The following DSCAM variants were observed in gnomAD, a reference collection of about 807,000 sequenced individuals.
The protein encoded by DSCAM is cell adhesion molecule DSCAM.
Under a neutral mutation model 217.7 loss-of-function variants are expected in DSCAM, and 47 were observed. That is an observed-to-expected ratio of 0.22 (90% CI 0.17 to 0.28). DSCAM has a LOEUF of 0.28. DSCAM is among the 10% of genes least tolerant of loss of function. DSCAM has a pLI of 1.00. For synonymous variants in DSCAM, 1,056 were observed against 1,015.3 expected (o/e 1.04, Z -0.76); for missense variants, 2,080 against 2,618.3 (o/e 0.79, Z 4.49).
chr21:40,167,356 C>A lies in DSCAM; in HGVS notation c.2948-68G>T. Reference sequence around the variant, plus strand: ...CGGAGCAGATCGAAGCCTACACAGCCAAAGGTGGTCCCCGAGGACAACCCA... The same window carrying A: ...CGGAGCAGATCGAAGCCTACACAGCAAAAGGTGGTCCCCGAGGACAACCCA... On this transcript the variant is annotated intron_variant, in intron 15 of 32. Coordinates refer to ENST00000400454, the MANE Select transcript of DSCAM (RefSeq NM_001389.5). 1.3e-5 allele frequency: 18 copies of A among 1,417,922 alleles called. No homozygotes were observed. The South Asian group carries it at 2.0e-4, about 15-fold the overall frequency. 87.8% of individuals were successfully genotyped at this position (1,417,922 alleles called of 1,614,324 possible).
intron 22 of DSCAM, 79 bp from the exon 23 acceptor site, chr21:40,085,844 C>T (rs2146573624): frequency 3.2e-6 from 4 of 1,258,710 alleles, no homozygotes; most frequent in South Asian, 4.9e-5. Context: ...AACAGAAAGA[C>T]TCTGTGAAGC....
intron 3 of DSCAM, among the ~76,000 whole-genome samples, chr21:40,577,385 C>T (rs942442140): frequency 1.3e-5 from 2 of 148,544 alleles, no homozygotes; most frequent in African/African-American, 2.5e-5. Flanking sequence ...GGCACTGACA[C>T]GGTAGTCGAT....
intron 11 of DSCAM, among the ~76,000 whole-genome samples, chr21:40,216,290 T>TG (rs1467042506): frequency 1.3e-5 from 2 of 151,918 alleles, no homozygotes; most frequent in East Asian, 3.9e-4. Flanking sequence ...AAAATTTTTT[T>TG]TTTTTTAGAA....
intron 3 of DSCAM, among the ~76,000 whole-genome samples, chr21:40,483,791 G>A (rs2837656): frequency 6.6e-6 from 1 of 151,978 alleles, no homozygotes; most frequent in Admixed American, 6.5e-5. Flanking sequence ...CCAGACGTGC[G>A]TGGGCTCCCT....
chr21:40,438,475 AATGAAC>A (rs1295879630), intron 3 of DSCAM, among the ~76,000 whole-genome samples: 4 of 152,208 alleles, frequency 2.6e-5, no homozygotes, highest in Admixed American at 2.6e-4. Flanking sequence ...ACATAAAGCA[AATGAAC>A]ATTATACACT....
chr21:40,832,776 T>A (rs1369777761), intron 1 of DSCAM, among the ~76,000 whole-genome samples: 2 of 152,176 alleles, frequency 1.3e-5, no homozygotes, highest in African/African-American at 4.8e-5. Context: ...CTCATCAAAC[T>A]ACACAATGAG....
intron 11 of DSCAM, among the ~76,000 whole-genome samples, chr21:40,241,192 T>C (rs894278099): frequency 4.6e-5 from 7 of 151,686 alleles, no homozygotes; most frequent in Non-Finnish European, 1.0e-4. Context: ...ATCAACAGAG[T>C]AAAGAGACAA....
At chr21:40,533,807 C>T (rs559489795) in intron 3 of DSCAM, among the ~76,000 whole-genome samples, 2 of 150,916 alleles carry the variant, frequency 1.3e-5, no homozygotes, top group East Asian at 4.0e-4. Flanking sequence ...CTCTTCCTTC[C>T]TCCATCTAGG....
chr21:40,342,063 G>A (rs1289931310), intron 6 of DSCAM, among the ~76,000 whole-genome samples: 2 of 152,064 alleles, frequency 1.3e-5, no homozygotes, highest in Non-Finnish European at 2.9e-5. Context: ...CGTGTTTTAT[G>A]TGCCTATTGG....
intron 29 of DSCAM, 98 bp from the exon 30 acceptor site, chr21:40,052,205 T>C (rs569554530): frequency 3.0e-6 from 4 of 1,347,744 alleles, no homozygotes; most frequent in Admixed American, 2.2e-5. Context: ...TTATTGTTAA[T>C]GACAACCACA....
chr21:40,200,223 G>A (rs538099854), intron 11 of DSCAM, among the ~76,000 whole-genome samples: 1 of 152,216 alleles, frequency 6.6e-6, no homozygotes, highest in South Asian at 2.1e-4. Flanking sequence ...TTGCTGTACA[G>A]CCTTCACTAC....
chr21:40,132,396 C>A (rs402435), intron 19 of DSCAM, among the ~76,000 whole-genome samples: 117,467 of 152,130 alleles, frequency 0.77, 45,584 homozygotes, highest in African/African-American at 0.83. Flanking sequence ...AAAAAATTAA[C>A]TTATGGCTGC....
intron 3 of DSCAM, among the ~76,000 whole-genome samples, chr21:40,424,206 C>G (rs891495440): frequency 6.6e-6 from 1 of 152,100 alleles, no homozygotes; most frequent in African/African-American, 2.4e-5. Context: ...GGATAAATTG[C>G]GTCCCCCCAA....
chr21:40,445,916 C>G (rs1194158739), intron 3 of DSCAM, among the ~76,000 whole-genome samples: 1 of 152,152 alleles, frequency 6.6e-6, no homozygotes, highest in East Asian at 1.9e-4. Flanking sequence ...ATGCAAGGAT[C>G]TTCAATTAGT....
chr21:40,508,738 TATATATATATATATATATATATATA>T (rs2076229182), intron 3 of DSCAM, among the ~76,000 whole-genome samples: 1 of 17,286 alleles, frequency 5.8e-5, no homozygotes, highest in African/African-American at 3.4e-4. Flanking sequence ...CCGGCAAATA[TATATATATATATATATATATATATA>T]TATATATATA....
rs146926760 is a variant in DSCAM, at chr21:40,749,870, T to G, written c.44-41099A>C. ...GTATAAAGGGCGGCCTGTAACTGTC[T>G]GAAACCTTGTTATTTCTCCCACGTA... On this transcript the variant is annotated intron_variant, in intron 1 of 32. Transcript: ENST00000400454. Among the ~76,000 whole-genome samples, 13 of 152,186 alleles carry G rather than the reference T, an allele frequency of 8.5e-5. No individual in the cohort carries two copies. In the East Asian group the frequency reaches 2.5e-3, roughly 29 times the overall value.
chr21:40,553,154 T>A (rs1024079861), intron 3 of DSCAM, among the ~76,000 whole-genome samples: 1 of 152,236 alleles, frequency 6.6e-6, no homozygotes, highest in Non-Finnish European at 1.5e-5. Context: ...TTGGTGGATT[T>A]TAAAAATAAA....
At chr21:40,509,019 T>C (rs2076237449) in intron 3 of DSCAM, among the ~76,000 whole-genome samples, 1 of 151,804 alleles carries the variant, frequency 6.6e-6, no homozygotes. Context: ...AAATTTTAAA[T>C]TTGGTAAAAT....
intron 3 of DSCAM, among the ~76,000 whole-genome samples, chr21:40,395,780 C>T (rs948235595): frequency 1.3e-5 from 2 of 152,072 alleles, no homozygotes; most frequent in Non-Finnish European, 2.9e-5. Flanking sequence ...AATTTATTTT[C>T]TATTTGGCCC....
Sources: gnomAD v4.1 joint callset for allele counts (sites outside exome capture counted in the v4.1 genomes callset) on GRCh38, gnomAD v4.1.1 for gene constraint, MANE v1.5 for transcripts, NCBI Gene and HGNC (gene_info 2026-07-23, HGNC 2026-07-21) for gene names.